PAQR3: variants seen among roughly 807,000 people sequenced by gnomAD.
PAQR3 encodes the protein progestin and adipoQ receptor family member 3, also known as Raf kinase trapping to Golgi.
Under a neutral mutation model 41.7 loss-of-function variants are expected in PAQR3, and 39 were observed. That is an observed-to-expected ratio of 0.93 (90% CI 0.72 to 1.22). The LOEUF is 1.22. Among genes scored for constraint, PAQR3 ranks in the 50% most tolerant of loss-of-function variants. The probability of loss-of-function intolerance (pLI) is 0.00; values close to 1 mark genes in which losing one functional copy is unlikely to be tolerated. For synonymous variants in PAQR3, 140 were observed against 140.6 expected (o/e 1.00, Z 0.03); for missense variants, 366 against 385.6 (o/e 0.95, Z 0.42).
intron 3 of PAQR3, 122 bp downstream of exon 3, chr4:78,930,048 C>T (rs989716246): frequency 2.4e-5 from 21 of 893,110 alleles, no homozygotes; most frequent in South Asian, 4.1e-5. Flanking sequence ...TATGCTTATA[C>T]GAGACTCTTC....
At chr4:78,903,077 T>C (rs1048375687) in intron 11 of PAQR3, among the ~76,000 whole-genome samples, 1 of 152,074 alleles carries the variant, frequency 6.6e-6, no homozygotes, top group African/African-American at 2.4e-5. Context: ...CTATGATGTC[T>C]GAAATTTTCC....
At chr4:78,935,028 A>C in intron 2 of PAQR3, 93 bp downstream of exon 2, 1 of 1,204,396 alleles carries the variant, frequency 8.3e-7, no homozygotes, top group Non-Finnish European at 1.2e-6. Context: ...GGGCTCTTTA[A>C]AGCAAGTGGT....
At position 78,923,856 on chromosome 4, in the gene PAQR3, C is replaced by T; in HGVS notation, c.793+1G>A. 3 of 1,598,876 alleles carry T rather than the reference C, an allele frequency of 1.9e-6. No homozygotes were observed. The highest frequency in any genetic ancestry group is 1.7e-6 in the Non-Finnish European group (2 of 1,166,394). ...AAAACTGCTATAAAAGAGATACCTACCTGGAAAGTACCGCTCTGGGACTTT... is the reference window on the plus strand; with the variant it reads ...AAAACTGCTATAAAAGAGATACCTATCTGGAAAGTACCGCTCTGGGACTTT... On this transcript the variant is annotated splice_donor_variant, in intron 5 of 5. Coordinates refer to ENST00000512733, the MANE Select transcript of PAQR3 (RefSeq NM_001040202.2). LOFTEE classifies it high-confidence loss of function.
intron 11 of PAQR3, among the ~76,000 whole-genome samples, chr4:78,894,508 C>A (rs1326186869): frequency 1.3e-5 from 2 of 152,210 alleles, no homozygotes; most frequent in Non-Finnish European, 2.9e-5. Flanking sequence ...CTGCAGGTTT[C>A]TCACTTCACT....
At chr4:78,909,328 A>G (rs1350711162), downstream of PAQR3, among the ~76,000 whole-genome samples, 3 of 150,756 alleles carry the variant, frequency 2.0e-5, no homozygotes, top group Non-Finnish European at 3.0e-5. Context: ...GAGCCACCGC[A>G]CCCAGCCCCC....
At chr4:78,936,534 G>C (rs1262593909) in intron 1 of PAQR3, among the ~76,000 whole-genome samples, 1 of 152,164 alleles carries the variant, frequency 6.6e-6, no homozygotes, top group Non-Finnish European at 1.5e-5. Flanking sequence ...CTGAATCAGT[G>C]AAGGCCAAAT....
intron 11 of PAQR3, among the ~76,000 whole-genome samples, chr4:78,899,534 A>G (rs1208836636): frequency 6.6e-6 from 1 of 152,132 alleles, no homozygotes; most frequent in Non-Finnish European, 1.5e-5. Context: ...TAGAAGAGGG[A>G]TGAGAAGAAG....
chr4:78,922,279 A>G (rs1276094858), intron 5 of PAQR3: 2 of 1,263,588 alleles, frequency 1.6e-6, no homozygotes, highest in East Asian at 5.6e-5. Flanking sequence ...TTTAAAGCTC[A>G]GTGGTGAAAA....
Position 78,939,065 on chromosome 4 carries a change from G to A in PAQR3, c.160C>T (p.Leu54=). ...CTTTTGATACACAGCCTGGACGGCA[G>A]GTAGGCCCGGTAGCCGTCGGTGATG... ...PYITDGYRAY[L]PSRLCIKSLF... The change falls in exon 1 of 6, where the codon CTG becomes TTG. Residue 54 remains leucine, a synonymous_variant. Coordinates refer to ENST00000512733, the MANE Select transcript of PAQR3 (RefSeq NM_001040202.2). 1 of 1,610,166 alleles carries A rather than the reference G, an allele frequency of 6.2e-7. No homozygotes were observed. The highest frequency in any genetic ancestry group is 1.1e-5 in the South Asian group (1 of 90,922).
intron 1 of PAQR3, among the ~76,000 whole-genome samples, chr4:78,937,484 A>G (rs1056959616): frequency 2.6e-5 from 4 of 152,206 alleles, no homozygotes; most frequent in African/African-American, 7.2e-5. Flanking sequence ...CAGTTTTAAA[A>G]TCAAATAATC....
chr4:78,911,766 C>T (rs1734628584), downstream of PAQR3: 1 of 1,614,020 alleles, frequency 6.2e-7, no homozygotes, highest in Non-Finnish European at 8.5e-7. Context: ...GTGCCAAGCC[C>T]TTCCATTCTC....
Position 78,918,244 on chromosome 4 carries a change from C to T in PAQR3, c.*2295G>A. Reference sequence around the variant, plus strand: ...AACTGGATAGTATATTTTAATCTTACTTTAATCTATAAAAACAAAAATAAC... The same window carrying T: ...AACTGGATAGTATATTTTAATCTTATTTTAATCTATAAAAACAAAAATAAC... On this transcript the variant is annotated 3_prime_UTR_variant, in exon 6 of 6. Transcript: ENST00000512733. The T allele has an allele frequency of 1.1e-6, 1 of 923,852 alleles. No homozygotes were observed. The allele number at this position is 923,852 out of a possible 1,614,324, so 57.2% of individuals were successfully genotyped here. A position where few individuals can be genotyped will look rare whatever the true frequency, so the allele number is the denominator to read the frequency against.
Position 78,918,120 on chromosome 4 carries a change from A to G in PAQR3, c.*2419T>C. The G allele has an allele frequency of 1.0e-6, 1 of 969,448 alleles. No individual in the cohort carries two copies. The highest frequency in any genetic ancestry group is 1.2e-6 in the Non-Finnish European group (1 of 815,074). The allele number at this position is 969,448 out of a possible 1,614,324, so 60.1% of individuals were successfully genotyped here. Reference sequence around the variant, plus strand: ...AACCATATAAATTGCTAGACAATTTAAAACAGCCATAGATAATTTTAAAAT... The same window carrying G: ...AACCATATAAATTGCTAGACAATTTGAAACAGCCATAGATAATTTTAAAAT... On this transcript the variant is annotated 3_prime_UTR_variant, in exon 6 of 6. Coordinates refer to ENST00000512733, the MANE Select transcript of PAQR3 (RefSeq NM_001040202.2).
Position 78,920,466 on chromosome 4 carries a change from AG to A in PAQR3, c.*72del. The A allele has an allele frequency of 6.9e-7, 1 of 1,449,330 alleles. No individual in the cohort carries two copies. The highest frequency in any genetic ancestry group is 1.9e-4 in the Middle Eastern group (1 of 5,300). 89.8% of individuals were successfully genotyped at this position (1,449,330 alleles called of 1,614,324 possible). ...AAAAGGGAAAACTAATGGGAATCTT[AG>A]AAATAGTGGGGTATACAATTCCCCA... On this transcript the variant is annotated 3_prime_UTR_variant, in exon 6 of 6. Coordinates refer to ENST00000512733, the MANE Select transcript of PAQR3 (RefSeq NM_001040202.2).
Position 78,917,842 on chromosome 4 carries a change from A to G in PAQR3, c.*2697T>C. ...ATATTCTGTCCAGGTGGGATGCCATAAGATGTGACAGACATTCCCTGAATC... is the reference window on the plus strand; with the variant it reads ...ATATTCTGTCCAGGTGGGATGCCATGAGATGTGACAGACATTCCCTGAATC... On this transcript the variant is annotated 3_prime_UTR_variant, in exon 6 of 6. Coordinates refer to ENST00000512733, the MANE Select transcript of PAQR3 (RefSeq NM_001040202.2). 1 of 985,506 alleles carries G rather than the reference A, an allele frequency of 1.0e-6. No homozygotes were observed. The highest frequency in any genetic ancestry group is 1.2e-6 in the Non-Finnish European group (1 of 829,724). The allele number at this position is 985,506 out of a possible 1,614,324, so 61.0% of individuals were successfully genotyped here. A position where few individuals can be genotyped will look rare whatever the true frequency, so the allele number is the denominator to read the frequency against.
At chr4:78,911,257 A>T, downstream of PAQR3, 1 of 1,614,038 alleles carries the variant, frequency 6.2e-7, no homozygotes, top group Non-Finnish European at 8.5e-7. Context: ...GGCGCCTTTT[A>T]GCAAGAAGGT....
downstream of PAQR3, chr4:78,910,844 A>G (rs1734549462): frequency 6.2e-7 from 1 of 1,613,904 alleles, no homozygotes; most frequent in African/African-American, 1.3e-5. Context: ...GAAGTTCTTC[A>G]GGGGGAACAA....
chr4:78,928,736 T>C (rs1477521591), intron 3 of PAQR3, among the ~76,000 whole-genome samples: 2 of 152,202 alleles, frequency 1.3e-5, no homozygotes, highest in African/African-American at 4.8e-5. Context: ...CAGGCAGAGA[T>C]GGTTTCGGGA....
downstream of PAQR3, chr4:78,910,992 C>T: frequency 1.2e-6 from 2 of 1,613,634 alleles, no homozygotes; most frequent in Non-Finnish European, 1.7e-6. Flanking sequence ...AGTACAGTGA[C>T]ATGAGCTCTG....
Sources: allele counts gnomAD v4.1 joint callset (sites outside exome capture counted in the v4.1 genomes callset), GRCh38; gene constraint gnomAD v4.1.1; transcripts MANE v1.5; gene names NCBI Gene and HGNC (gene_info 2026-07-23, HGNC 2026-07-21).